The following RAPGEF2 variants were observed in gnomAD, a reference collection of about 807,000 sequenced individuals.
The protein encoded by RAPGEF2 is Rap guanine nucleotide exchange factor 2.
Under a neutral mutation model 186.7 loss-of-function variants are expected in RAPGEF2, and 54 were observed. The ratio of observed to expected loss-of-function variants is 0.29; its 90% CI spans 0.23 to 0.36. RAPGEF2 has a LOEUF of 0.36. Ranked by LOEUF, RAPGEF2 falls within the 10% of genes least tolerant of loss-of-function variation. RAPGEF2 has a pLI of 1.00. For synonymous variants in RAPGEF2, 712 were observed against 705.9 expected (o/e 1.01, Z -0.14); for missense variants, 1,532 against 2,045.0 (o/e 0.75, Z 4.84).
intron 7 of RAPGEF2, among the ~76,000 whole-genome samples, chr4:159,282,317 G>GT (rs1759827406): frequency 6.6e-6 from 1 of 152,008 alleles, no homozygotes; most frequent in Non-Finnish European, 1.5e-5. Flanking sequence ...ATTGATGCTG[G>GT]TTTGCAAAAT....
intron 12 of RAPGEF2, 63 bp from the exon 13 acceptor site, chr4:159,330,265 ATGTGTG>A (rs59463532): frequency 6.0e-5 from 32 of 535,366 alleles, no homozygotes; most frequent in South Asian, 3.3e-4. Context: ...GTATATGTAT[ATGTGTG>A]TGTGTGTGTG....
chr4:159,338,632 A>C (rs1426954661), intron 18 of RAPGEF2, among the ~76,000 whole-genome samples, 164 bp downstream of exon 18: 2 of 152,236 alleles, frequency 1.3e-5, no homozygotes, highest in Non-Finnish European at 2.9e-5. Context: ...TGTTGGAACC[A>C]GTTCTCTTTA....
At chr4:159,284,653 T>A (rs1201570439) in intron 7 of RAPGEF2, among the ~76,000 whole-genome samples, 1 of 152,212 alleles carries the variant, frequency 6.6e-6, no homozygotes, top group Non-Finnish European at 1.5e-5. Flanking sequence ...ATCTTCATTT[T>A]TGGTTCAGTT....
chr4:159,318,218 T>G (rs1041464510), intron 9 of RAPGEF2, among the ~76,000 whole-genome samples: 1 of 152,228 alleles, frequency 6.6e-6, no homozygotes, highest in Non-Finnish European at 1.5e-5. Flanking sequence ...CTAAAGGGTG[T>G]TGTTTGTTCT....
intron 19 of RAPGEF2, 141 bp downstream of exon 19, chr4:159,339,495 T>C (rs1340731849): frequency 1.7e-5 from 19 of 1,145,722 alleles, no homozygotes; most frequent in Non-Finnish European, 2.2e-5. Flanking sequence ...GTTTTTTTTT[T>C]CCTTTCACCA....
At chr4:159,306,199 A>T (rs187182081) in intron 8 of RAPGEF2, among the ~76,000 whole-genome samples, 1 of 151,936 alleles carries the variant, frequency 6.6e-6, no homozygotes, top group African/African-American at 2.4e-5. Flanking sequence ...AATTACATTC[A>T]ATCTGTATAT....
rs759411834 is a variant in RAPGEF2 at position 159,314,541 on chromosome 4, A to G, written c.676-50A>G. 6.7e-6 allele frequency: 10 copies of G among 1,483,874 alleles called. No homozygotes were observed. The East Asian group carries it at 7.5e-5, about 11-fold the overall frequency. 91.9% of individuals were successfully genotyped at this position (1,483,874 alleles called of 1,614,324 possible). A position where few individuals can be genotyped will look rare whatever the true frequency, so the allele number is the denominator to read the frequency against. ...CTTGCTCTTGTTTCTTTGGGCCCCA[A>G]AGATTTATTTACTTAAAATAGTTTT... is the stretch of plus-strand genomic sequence containing the variant. On this transcript the variant is annotated intron_variant, in intron 8 of 29. Coordinates refer to ENST00000691494, the MANE Select transcript of RAPGEF2 (RefSeq NM_001394067.2).
intron 1 of RAPGEF2, among the ~76,000 whole-genome samples, chr4:159,174,431 C>T (rs1049005677): frequency 6.6e-6 from 1 of 152,188 alleles, no homozygotes; most frequent in African/African-American, 2.4e-5. Flanking sequence ...CACTTGACTG[C>T]TCTGGGGCTC....
At chr4:159,329,587 C>A (rs1251574334) in intron 11 of RAPGEF2, 1 of 200,896 alleles carries the variant, frequency 5.0e-6, no homozygotes, top group African/African-American at 2.3e-5. Flanking sequence ...AAAAAGCTAT[C>A]TTCTAATTAT....
chr4:159,216,144 C>A (rs1001902922), intron 4 of RAPGEF2, among the ~76,000 whole-genome samples: 2 of 152,136 alleles, frequency 1.3e-5, no homozygotes, highest in East Asian at 1.9e-4. Flanking sequence ...CATGCATTGA[C>A]CACACTCCTA....
chr4:159,128,849 T>G (rs1740665793), intron 1 of RAPGEF2: 3 of 145,712 alleles, frequency 2.1e-5, no homozygotes, highest in Non-Finnish European at 3.1e-5. Context: ...GTAACAGACA[T>G]ACATACATAC....
intron 1 of RAPGEF2, among the ~76,000 whole-genome samples, chr4:159,185,725 A>G (rs1016049506): frequency 9.2e-5 from 14 of 152,122 alleles, no homozygotes; most frequent in African/African-American, 3.4e-4. Flanking sequence ...GGTTGGTGAA[A>G]ATGTTCTGAA....
intron 7 of RAPGEF2, among the ~76,000 whole-genome samples, chr4:159,275,917 A>G (rs767971628): frequency 2.3e-4 from 35 of 152,280 alleles, no homozygotes; most frequent in Middle Eastern, 6.8e-3. Context: ...ATTAAGTGGA[A>G]GCACTCTTGT....
chr4:159,269,010 G>A (rs6824962), intron 7 of RAPGEF2, among the ~76,000 whole-genome samples: 94,232 of 152,090 alleles, frequency 0.62, 30,406 homozygotes, highest in African/African-American at 0.77. Flanking sequence ...TAGTAGTCTA[G>A]GTATTTTTGA....
chr4:159,185,430 G>C lies in RAPGEF2; in HGVS notation c.70-1212G>C, dbSNP rs537198397. ...GGAAGATCCTAAATGTCCATCAATT[G>C]ATAAATGGGCAAATGAAATGTAGTA... On this transcript the variant is annotated intron_variant, in intron 1 of 29. Coordinates refer to ENST00000691494, the MANE Select transcript of RAPGEF2 (RefSeq NM_001394067.2). Among the ~76,000 whole-genome samples the C allele has an allele frequency of 2.6e-5, 4 of 152,290 alleles. No individual in the cohort carries two copies. In the East Asian group the frequency reaches 5.8e-4, roughly 22 times the overall value.
At chr4:159,330,158 A>G in intron 12 of RAPGEF2, 148 bp downstream of exon 12, 1 of 867,600 alleles carries the variant, frequency 1.2e-6, no homozygotes, top group Non-Finnish European at 1.7e-6. Flanking sequence ...CCTAGTGAAT[A>G]GCAGTTTCAT....
intron 29 of RAPGEF2, among the ~76,000 whole-genome samples, chr4:159,356,827 G>T (rs1202200514): frequency 6.6e-6 from 1 of 152,154 alleles, no homozygotes; most frequent in Non-Finnish European, 1.5e-5. Flanking sequence ...CTTGAGCCCG[G>T]AAGGCAGAGG....
chr4:159,120,576 T>G (rs1034344301), intron 1 of RAPGEF2, among the ~76,000 whole-genome samples: 1 of 152,202 alleles, frequency 6.6e-6, no homozygotes, highest in Admixed American at 6.5e-5. Context: ...AAACTGCTCT[T>G]AATGTTTTGT....
At chr4:159,349,275 C>T (rs1160630905) in intron 25 of RAPGEF2, among the ~76,000 whole-genome samples, 2 of 152,192 alleles carry the variant, frequency 1.3e-5, no homozygotes, top group Admixed American at 1.3e-4. Flanking sequence ...TTTACTAACA[C>T]TAATTTGAGG....
Sources: gnomAD v4.1 joint callset for allele counts (sites outside exome capture counted in the v4.1 genomes callset) on GRCh38, gnomAD v4.1.1 for gene constraint, MANE v1.5 for transcripts, NCBI Gene and HGNC (gene_info 2026-07-23, HGNC 2026-07-21) for gene names.